Variants in CARM1 observed in about 807,000 individuals in gnomAD.
CARM1 encodes the protein coactivator associated arginine methyltransferase 1, also known as histone-arginine methyltransferase CARM1.
In CARM1, 14 loss-of-function variants were observed where a neutral mutation model predicts 72.7. The observed-to-expected ratio is 0.19, with a 90% confidence interval of 0.13 to 0.30. The LOEUF is 0.30. Among genes scored for constraint, CARM1 ranks in the 10% least tolerant of loss-of-function variants. CARM1 has a pLI of 1.00. For synonymous variants in CARM1, 333 were observed against 345.5 expected, an observed-to-expected ratio of 0.96 and a Z score of 0.40; for missense variants, 432 against 833.7, an observed-to-expected ratio of 0.52 and a Z score of 5.93.
intron 1 of CARM1, among the ~76,000 whole-genome samples, chr19:10,888,467 T>TG (rs2073957360): frequency 6.6e-6 from 1 of 152,160 alleles, no homozygotes; most frequent in Admixed American, 6.5e-5. Flanking sequence ...GTTTGAGCAC[T>TG]AACCGAGGCC....
intron 1 of CARM1, among the ~76,000 whole-genome samples, chr19:10,875,630 T>C (rs2073858157): frequency 6.6e-6 from 1 of 152,104 alleles, no homozygotes; most frequent in African/African-American, 2.4e-5. Flanking sequence ...TTCACCGTGT[T>C]AGCCAGGATG....
intron 1 of CARM1, among the ~76,000 whole-genome samples, chr19:10,884,236 G>A (rs1468068208): frequency 6.6e-6 from 1 of 151,112 alleles, no homozygotes; most frequent in African/African-American, 2.4e-5. Flanking sequence ...AGTTACTCTG[G>A]AGGCTGAGGC....
Position 10,908,085 on chromosome 19 carries a change from C to G in CARM1, c.393C>G (p.Thr131=). ...YNILKTCRGH[T]LERSVFSERT... ...TCCTGAAAACCTGCCGGGGCCACAC[C>G]CTGGAGCGGTCTGTGTTCAGCGAGC... Residue 131 remains threonine, a synonymous_variant, in exon 3 of 16, where the codon ACC becomes ACG. Transcript: ENST00000327064. The G allele has an allele frequency of 6.2e-7, 1 of 1,614,110 alleles. No individual in the cohort carries two copies. The highest frequency in any genetic ancestry group is 8.5e-7 in the Non-Finnish European group (1 of 1,179,996).
rs2073929935 is a variant in CARM1 at position 10,884,963 on chromosome 19, C to T, written c.220+13041C>T. ...TCAGGTGATCCACCAGCCTTGGCCT[C>T]CCAAAGTGCTGGGATTACAGACGTG... On this transcript the variant is annotated intron_variant, in intron 1 of 15. Transcript: ENST00000327064. Among the ~76,000 whole-genome samples, 6 of 152,350 alleles carry T rather than the reference C, an allele frequency of 3.9e-5. No individual in the cohort carries two copies. The South Asian group carries it at 1.2e-3, about 32-fold the overall frequency.
chr19:10,871,980 G>T lies in CARM1; in HGVS notation c.220+58G>T, dbSNP rs1477328907. 2 of 1,157,512 alleles carry T rather than the reference G, an allele frequency of 1.7e-6. No homozygotes were observed. The highest frequency in any genetic ancestry group is 3.3e-5 in the African/African-American group (2 of 61,524). 71.7% of individuals were successfully genotyped at this position (1,157,512 alleles called of 1,614,324 possible). On this transcript the variant is annotated intron_variant, in intron 1 of 15. Coordinates refer to ENST00000327064, the MANE Select transcript of CARM1 (RefSeq NM_199141.2). The surrounding 1 kb of genome is among the most constrained non-coding windows in gnomAD (Gnocchi z 5.6). The stretch of plus-strand genomic sequence containing the variant: ...CGGGGCTGCTCACGAGGCCGGCCCG[G>T]GGCGGGGGCCGGCGGGGAGGGGCCC...
chr19:10,909,010 T>C, intron 3 of CARM1, 93 bp from the exon 4 acceptor site: 2 of 910,114 alleles, frequency 2.2e-6, no homozygotes, highest in Non-Finnish European at 3.6e-6. Flanking sequence ...GTTTGTGCCC[T>C]AGATGGCCCC....
At chr19:10,891,779 G>A (rs2073989804) in intron 1 of CARM1, among the ~76,000 whole-genome samples, 1 of 152,232 alleles carries the variant, frequency 6.6e-6, no homozygotes, top group African/African-American at 2.4e-5. Flanking sequence ...AACATGAAAA[G>A]TCAGTCTCTC....
chr19:10,919,734 G>C (rs1259606645), intron 9 of CARM1, 54 bp downstream of exon 9: 1 of 1,557,966 alleles, frequency 6.4e-7, no homozygotes. Flanking sequence ...GAAGGTCAGG[G>C]CCACCCCTGG....
rs2074269295 is a variant in CARM1 at position 10,922,355 on chromosome 19, C to G, written c.*598C>G. The G allele has an allele frequency of 6.5e-6, 1 of 152,684 alleles. No individual in the cohort carries two copies. The highest frequency in any genetic ancestry group is 6.5e-5 in the Admixed American group (1 of 15,276). The allele number at this position is 152,684 out of a possible 1,614,324, so 9.5% of individuals were successfully genotyped here. A position where few individuals can be genotyped will look rare whatever the true frequency, so the allele number is the denominator to read the frequency against. ...GAGGCTTCAGGGGCCCCCTCCCCAC[C>G]AAAGGGTTCACCTCACACTTGAATG... is the stretch of plus-strand genomic sequence containing the variant. On this transcript the variant is annotated 3_prime_UTR_variant, in exon 16 of 16. Coordinates refer to ENST00000327064, the MANE Select transcript of CARM1 (RefSeq NM_199141.2).
intron 1 of CARM1, among the ~76,000 whole-genome samples, chr19:10,882,509 C>T (rs2073909082): frequency 6.6e-6 from 1 of 151,486 alleles, no homozygotes; most frequent in Admixed American, 6.6e-5. Context: ...TCGGACACAG[C>T]CCCCCAATCT....
At chr19:10,903,820 A>G (rs1469008856) in intron 1 of CARM1, among the ~76,000 whole-genome samples, 2 of 152,106 alleles carry the variant, frequency 1.3e-5, no homozygotes, top group Non-Finnish European at 2.9e-5. Flanking sequence ...CTGTAGCCTC[A>G]GCCTCCTGAG....
chr19:10,888,841 A>G (rs1364708790), intron 1 of CARM1, among the ~76,000 whole-genome samples: 2 of 152,178 alleles, frequency 1.3e-5, no homozygotes, highest in East Asian at 1.9e-4. Flanking sequence ...TCTCTTTTTC[A>G]GAAAAGCCAA....
At chr19:10,877,848 C>T (rs941638740) in intron 1 of CARM1, among the ~76,000 whole-genome samples, 10 of 152,302 alleles carry the variant, frequency 6.6e-5, no homozygotes, top group African/African-American at 2.4e-4. Context: ...CTGTCTCAGC[C>T]TCCCGAGTAG....
intron 1 of CARM1, among the ~76,000 whole-genome samples, chr19:10,879,538 C>G (rs887664299): frequency 1.3e-5 from 2 of 152,134 alleles, no homozygotes; most frequent in South Asian, 2.1e-4. Flanking sequence ...AGACAGCCAC[C>G]TGGCTTGGAG....
intron 1 of CARM1, among the ~76,000 whole-genome samples, chr19:10,875,969 C>T (rs1410319116): frequency 1.3e-5 from 2 of 150,382 alleles, no homozygotes; most frequent in African/African-American, 2.5e-5. Context: ...CGGGTTCGAG[C>T]GATTCGCCTG....
In CARM1 at chr19:10,907,079, G is replaced by A. The variant is rs2074111338; in HGVS notation, c.347-960G>A. On this transcript the variant is annotated intron_variant, in intron 2 of 15. Transcript: ENST00000327064. ...CCGCCACCACCCCTGGCTAATTTCT[G>A]TATTTTTAATAGAGACAGGGTTTCA... is the stretch of plus-strand genomic sequence containing the variant. 2.0e-5 allele frequency among the ~76,000 whole-genome samples: 3 copies of A among 150,902 alleles called. No homozygotes were observed. The South Asian group carries it at 6.3e-4, about 32-fold the overall frequency.
intron 6 of CARM1, among the ~76,000 whole-genome samples, chr19:10,914,272 G>A (rs745898268): frequency 9.2e-5 from 14 of 152,160 alleles, no homozygotes; most frequent in African/African-American, 3.4e-4. Context: ...CTGCCCACTC[G>A]CCCAGACAGG....
intron 1 of CARM1, among the ~76,000 whole-genome samples, chr19:10,873,448 G>A (rs1045940416): frequency 6.6e-6 from 1 of 151,438 alleles, no homozygotes; most frequent in Non-Finnish European, 1.5e-5. Flanking sequence ...ACAAAACAGC[G>A]GGGTGTGGTG....
At chr19:10,897,888 G>A (rs1331516652) in intron 1 of CARM1, among the ~76,000 whole-genome samples, 1 of 151,796 alleles carries the variant, frequency 6.6e-6, no homozygotes, top group Non-Finnish European at 1.5e-5. Context: ...GGCGGATCAC[G>A]AGGTCAGGAG....
Sources: gnomAD v4.1 joint callset for allele counts (sites outside exome capture counted in the v4.1 genomes callset) on GRCh38, gnomAD v4.1.1 for gene constraint, Gnocchi (gnomAD v3.1) non-coding constraint, MANE v1.5 for transcripts, NCBI Gene and HGNC (gene_info 2026-07-23, HGNC 2026-07-21) for gene names.